The following KLC1 variants were observed in gnomAD, a reference collection of about 807,000 sequenced individuals.
KLC1 encodes the protein kinesin 2 60/70kDa.
A neutral mutation model predicts 84.2 loss-of-function variants in KLC1; 30 were observed. The observed-to-expected ratio is 0.36, with a 90% CI of 0.27 to 0.48. The LOEUF is 0.48. Ranked by LOEUF, KLC1 falls within the 20% of genes least tolerant of loss-of-function variation. The pLI, the probability that KLC1 is intolerant of heterozygous loss-of-function variation, is 0.99. For synonymous variants in KLC1, 289 were observed against 293.3 expected, an observed-to-expected ratio of 0.99 and a Z score of 0.15; for missense variants, 499 against 805.4, an observed-to-expected ratio of 0.62 and a Z score of 4.60.
intron 9 of KLC1, among the ~76,000 whole-genome samples, chr14:103,675,016 ATC>A (rs1240394166): frequency 6.6e-6 from 1 of 152,168 alleles, no homozygotes; most frequent in African/African-American, 2.4e-5. Context: ...AAGAAGTAGT[ATC>A]TAACAAGGAT....
chr14:103,693,497 T>C lies in KLC1; in HGVS notation c.1848+1072T>C. 1 of 1,535,036 alleles carries C rather than the reference T, an allele frequency of 6.5e-7. No homozygotes were observed. The highest frequency in any genetic ancestry group is 8.7e-7 in the Non-Finnish European group (1 of 1,146,290). On this transcript the variant is annotated intron_variant, in intron 15 of 16. Transcript: ENST00000334553. This position sits in a 1 kb window ranked among gnomAD's most constrained non-coding sequence, Gnocchi z 5.1. ...TGTTAGGCCTGAGGCCATTTGAAGC[T>C]GGCATCATTTGAAGTCCTGGTTAAG...
At chr14:103,685,239 T>TTAAAA in intron 13 of KLC1, 6 of 1,405,104 alleles carry the variant, frequency 4.3e-6, no homozygotes, top group Non-Finnish European at 5.5e-6. Context: ...AAAATGTGTT[T>TTAAAA]TTAAGAGAAT....
intron 13 of KLC1, among the ~76,000 whole-genome samples, chr14:103,681,804 C>A (rs1358979838): frequency 6.6e-6 from 1 of 152,084 alleles, no homozygotes. Flanking sequence ...AATTTTTAAT[C>A]AACTTTTTTG....
intron 15 of KLC1, chr14:103,699,024 A>G (rs1304741538): frequency 1.3e-6 from 2 of 1,579,566 alleles, no homozygotes; most frequent in African/African-American, 1.4e-5. Flanking sequence ...GAACCTGAGA[A>G]ACAGGAAGCA....
At chr14:103,678,810 T>G (rs1435593134) in intron 12 of KLC1, among the ~76,000 whole-genome samples, 1 of 152,054 alleles carries the variant, frequency 6.6e-6, no homozygotes, top group South Asian at 2.1e-4. Flanking sequence ...AGTTAAAAAA[T>G]GAGCAAAGGA....
At chr14:103,684,565 GGT>G (rs2081625339) in intron 13 of KLC1, among the ~76,000 whole-genome samples, 1 of 152,218 alleles carries the variant, frequency 6.6e-6, no homozygotes, top group African/African-American at 2.4e-5. Context: ...GCCAACCCCA[GGT>G]GCTGGTCTGG....
chr14:103,681,282 C>T (rs529875624), intron 13 of KLC1, among the ~76,000 whole-genome samples: 1 of 152,320 alleles, frequency 6.6e-6, no homozygotes, highest in East Asian at 1.9e-4. Context: ...TCACTTTGTG[C>T]ATGGAGGCAG....
At chr14:103,650,048 C>A (rs1047222305) in intron 1 of KLC1, among the ~76,000 whole-genome samples, 2 of 151,938 alleles carry the variant, frequency 1.3e-5, no homozygotes, top group African/African-American at 4.8e-5. Context: ...AGGTTTTACA[C>A]TGGAGATTTT....
chr14:103,646,433 T>TG (rs1186741499), intron 1 of KLC1, among the ~76,000 whole-genome samples: 1 of 152,174 alleles, frequency 6.6e-6, no homozygotes, highest in African/African-American at 2.4e-5. Context: ...CTCAAGTAGT[T>TG]GGGAGTACAG....
intron 15 of KLC1, chr14:103,698,819 T>C: frequency 6.2e-7 from 1 of 1,602,560 alleles, no homozygotes; most frequent in Non-Finnish European, 8.5e-7. Context: ...GGGTCCCAGG[T>C]GTCCCTCGCA....
chr14:103,699,897 C>T (rs905138498), intron 15 of KLC1: 12 of 402,600 alleles, frequency 3.0e-5, no homozygotes, highest in Non-Finnish European at 3.8e-5. Flanking sequence ...TGAGTCCTTG[C>T]GGGGGTCTGC....
intron 1 of KLC1, among the ~76,000 whole-genome samples, chr14:103,651,511 G>A (rs979875595): frequency 2.6e-5 from 4 of 152,082 alleles, no homozygotes; most frequent in African/African-American, 9.7e-5. Flanking sequence ...TATTATATAA[G>A]CTGTCTTTGG....
intron 1 of KLC1, among the ~76,000 whole-genome samples, chr14:103,633,049 G>T (rs896416956): frequency 6.6e-6 from 1 of 151,970 alleles, no homozygotes; most frequent in Non-Finnish European, 1.5e-5. Context: ...GTTTACAAAG[G>T]AGGGTTGGAA....
At chr14:103,697,853 G>A (rs1177136370) in intron 15 of KLC1, 1 of 151,970 alleles carries the variant, frequency 6.6e-6, no homozygotes, top group Admixed American at 6.5e-5. Flanking sequence ...GTGTGGGACT[G>A]GGTCTGCACA....
chr14:103,677,167 C>G (rs919991515), intron 11 of KLC1, among the ~76,000 whole-genome samples: 1 of 152,206 alleles, frequency 6.6e-6, no homozygotes, highest in African/African-American at 2.4e-5. Context: ...CCGCCTCAGC[C>G]TGGATGGAGT....
intron 5 of KLC1, among the ~76,000 whole-genome samples, chr14:103,663,315 C>G (rs531984167): frequency 2.6e-5 from 4 of 152,058 alleles, no homozygotes; most frequent in African/African-American, 9.7e-5. Context: ...CTCCTGACCT[C>G]GTGATCCGCC....
In KLC1 at chr14:103,685,607, G is replaced by A. The variant is rs1021511059; in HGVS notation, c.1651-1474G>A. The A allele has an allele frequency of 1.5e-5, 19 of 1,289,184 alleles. No individual in the cohort carries two copies. In the East Asian group the frequency reaches 2.2e-4, roughly 15 times the overall value. 79.9% of individuals were successfully genotyped at this position (1,289,184 alleles called of 1,614,324 possible). A position where few individuals can be genotyped will look rare whatever the true frequency, so the allele number is the denominator to read the frequency against. The stretch of plus-strand genomic sequence containing the variant: ...TTGCCTTTCCTCGCCGCGGTTTCAC[G>A]TGGGTTTTCTCTCTCCTTTCTGTCT... On this transcript the variant is annotated intron_variant, in intron 13 of 16. Coordinates refer to ENST00000334553, the MANE Select transcript of KLC1 (RefSeq NM_001394837.1).
chr14:103,654,846 G>T, intron 2 of KLC1, 21 bp downstream of exon 2: 1 of 1,595,274 alleles, frequency 6.3e-7, no homozygotes. Flanking sequence ...GAATGACTCA[G>T]ACGTTATCAG....
intron 1 of KLC1, among the ~76,000 whole-genome samples, chr14:103,638,900 G>GGT (rs530816509): frequency 0.057 from 8,619 of 150,074 alleles, 260 homozygotes; most frequent in South Asian, 0.098. Flanking sequence ...TGAGCACAAG[G>GGT]GTGTGTGTGT....
Sources: allele counts gnomAD v4.1 joint callset (sites outside exome capture counted in the v4.1 genomes callset), GRCh38; gene constraint gnomAD v4.1.1; non-coding constraint Gnocchi (gnomAD v3.1); transcripts MANE v1.5; gene names NCBI Gene and HGNC (gene_info 2026-07-23, HGNC 2026-07-21).